The following RECQL4 variants were observed in gnomAD, a reference collection of about 807,000 sequenced individuals.
RECQL4 encodes the protein RecQ like helicase 4.
In RECQL4, 158 loss-of-function variants were observed where a neutral mutation model predicts 128.6. The observed-to-expected ratio is 1.23, with a 90% CI of 1.08 to 1.40. The LOEUF (loss-of-function observed/expected upper bound fraction) is 1.40, where lower values mean the gene tolerates loss of function less well. Ranked by LOEUF, RECQL4 falls within the 40% of genes most tolerant of loss-of-function variation. The probability of loss-of-function intolerance (pLI) is 0.00; values close to 1 mark genes in which losing one functional copy is unlikely to be tolerated. For synonymous variants in RECQL4, 996 were observed against 678.9 expected (o/e 1.47, Z -7.26); for missense variants, 2,293 against 1,649.8 (o/e 1.39, Z -6.75).
intron 20 of RECQL4, 36 bp downstream of exon 20, chr8:144,511,645 C>T: frequency 3.1e-6 from 5 of 1,609,014 alleles, no homozygotes; most frequent in Non-Finnish European, 3.4e-6. Flanking sequence ...AGCCCCCAGC[C>T]CCAGCCTGCA....
rs1174607613 is a variant in RECQL4, at chr8:144,516,371, C to T, written c.748G>A (p.Gly250Arg). ...SAFQEVSIRVGSPQPSSSGGE... is the reference protein window; with the variant it reads ...SAFQEVSIRVRSPQPSSSGGE... ...CCACTGCTGCTGGGCTGGGGGCTCCCCACACGGATGCTGACTTCTTGGAAG... is the reference window on the plus strand; with the variant it reads ...CCACTGCTGCTGGGCTGGGGGCTCCTCACACGGATGCTGACTTCTTGGAAG... The change falls in exon 5 of 21, where the codon GGG becomes AGG. Residue 250 changes from glycine to arginine, a missense_variant. By Grantham distance (125) the Gly-to-Arg change is moderately radical. Coordinates refer to ENST00000617875, the MANE Select transcript of RECQL4 (RefSeq NM_004260.4). The T allele has an allele frequency of 6.2e-7, 1 of 1,610,156 alleles. No individual in the cohort carries two copies. Among genetic ancestry groups the T allele is most frequent in the Non-Finnish European group, 8.5e-7 (1 of 1,179,736 alleles).
chr8:144,512,283 G>C lies in RECQL4; in HGVS notation c.3097C>G (p.Leu1033Val). Residue 1033 changes from leucine (L) to valine (V), a missense_variant, in exon 18 of 21, where the codon CTG (leucine) becomes GTG (valine). By Grantham distance (32) the Leu-to-Val change is conservative. Coordinates refer to ENST00000617875, the MANE Select transcript of RECQL4 (RefSeq NM_004260.4). ...GTGVLVEFSE[L>V]AFHLRSPGDL... The stretch of plus-strand genomic sequence containing the variant: ...CCCGGGCTGCGAAGGTGGAAGGCCA[G>C]CTCACTGAACTCCACAAGCACCCCT... 6.2e-7 allele frequency: 1 copy of C among 1,612,496 alleles called. No individual in the cohort carries two copies. Among genetic ancestry groups the C allele is most frequent in the Non-Finnish European group, 8.5e-7 (1 of 1,179,792 alleles).
intron 13 of RECQL4, 26 bp downstream of exon 13, chr8:144,513,545 G>C (rs780470562): frequency 3.1e-6 from 5 of 1,610,816 alleles, no homozygotes; most frequent in Non-Finnish European, 4.2e-6. Context: ...GGGTCCACGG[G>C]GACACCAGCT....
intron 9 of RECQL4, 55 bp from the exon 10 acceptor site, chr8:144,514,580 C>T: frequency 1.3e-6 from 2 of 1,537,962 alleles, no homozygotes; most frequent in Admixed American, 1.8e-5. Flanking sequence ...GGCCCTTCCC[C>T]AAGTCATCCC....
Position 144,511,672 on chromosome 8 carries a change from AGGCCTCACC to A in RECQL4, c.3502_3502+8del, listed in dbSNP as rs2130650891. 1 of 1,612,120 alleles carries A rather than the reference AGGCCTCACC, an allele frequency of 6.2e-7. No homozygotes were observed. ...CAGCCTGCAGCGGGTGGGGCCTCCC[AGGCCTCACC>A]GATGCCGTGGAAGATGCGGGCCACA... On this transcript the variant is annotated splice_donor_variant and splice_donor_5th_base_variant and coding_sequence_variant and intron_variant, in exon 20 of 21. Coordinates refer to ENST00000617875, the MANE Select transcript of RECQL4 (RefSeq NM_004260.4). LOFTEE classifies it high-confidence loss of function.
rs2130706482 is a variant in RECQL4, at chr8:144,515,231, C to T, written c.1402G>A (p.Glu468Lys). ...PSGQLAETPA[E>K]VFQALEQLGH... The stretch of plus-strand genomic sequence containing the variant: ...AGCTGCTCCAGGGCCTGGAACACCT[C>T]AGCCGGCGTCTCTGCAGACACAGAT... The change falls in exon 8 of 21, where the codon GAG becomes AAG. Residue 468 changes from glutamate to lysine, a missense_variant. Physicochemically the swap from Glu to Lys is moderately conservative, Grantham distance 56. Transcript: ENST00000617875. 2 of 1,584,666 alleles carry T rather than the reference C, an allele frequency of 1.3e-6. No homozygotes were observed. The highest frequency in any genetic ancestry group is 1.7e-6 in the Non-Finnish European group (2 of 1,166,312).
chr8:144,512,636 G>A lies in RECQL4; in HGVS notation c.2885+6C>T, dbSNP rs1827466838. On this transcript the variant is annotated splice_donor_region_variant and intron_variant, in intron 16 of 20. Coordinates refer to ENST00000617875, the MANE Select transcript of RECQL4 (RefSeq NM_004260.4). The stretch of plus-strand genomic sequence containing the variant: ...CCTCGTCTCCAACTGGGCAGGGCGT[G>A]CTTACCTGTGGGCCAGGGCCTGGAG... 2 of 1,612,094 alleles carry A rather than the reference G, an allele frequency of 1.2e-6. No homozygotes were observed. The highest frequency in any genetic ancestry group is 8.5e-7 in the Non-Finnish European group (1 of 1,179,532).
chr8:144,516,020 G>C lies in RECQL4; in HGVS notation c.1099C>G (p.Arg367Gly), dbSNP rs531175632. The C allele has an allele frequency of 8.7e-6, 14 of 1,610,382 alleles. No homozygotes were observed. Among genetic ancestry groups the C allele is most frequent in the Non-Finnish European group, 1.2e-5 (14 of 1,178,008 alleles). Residue 367 changes from arginine (R) to glycine (G), a missense_variant, in exon 5 of 21, where the codon CGG (arginine) becomes GGG (glycine). Physicochemically the swap from Arg to Gly is moderately radical, Grantham distance 125. Transcript: ENST00000617875. ...CGGAGGAGCCTGCTACGGAGTGCCC[G>C]GCCCCGCACGTAGTGTTTCTGCTTC... ...NMKQKHYVRG[R>G]ALRSRLLRKQ...
In RECQL4 at chr8:144,517,604, C is replaced by A. The variant is rs1815399637; in HGVS notation, c.116G>T (p.Arg39Leu). The A allele has an allele frequency of 6.7e-7, 1 of 1,486,096 alleles. No individual in the cohort carries two copies. The highest frequency in any genetic ancestry group is 1.3e-5 in the South Asian group (1 of 78,594). 92.1% of individuals were successfully genotyped at this position (1,486,096 alleles called of 1,614,324 possible). Residue 39 changes from arginine (R) to leucine (L), a missense_variant and splice_region_variant, in exon 2 of 21, where the codon CGC (arginine) becomes CTC (leucine). Transcript: ENST00000617875. Reference protein sequence around the residue: ...DDVEAAPEETRALYREYRTLK... With the variant: ...DDVEAAPEETLALYREYRTLK... ...CCGCCGCCCCGCCGCGCGCTCACCGCGGGTCTCCTCCGGCGCCGCCTCCAC... is the reference window on the plus strand; with the variant it reads ...CCGCCGCCCCGCCGCGCGCTCACCGAGGGTCTCCTCCGGCGCCGCCTCCAC...
At position 144,515,080 on chromosome 8, in the gene RECQL4, G is replaced by T. The variant is rs1235697567; in HGVS notation, c.1484-8C>A. ...CCAGCAGCGTGGAGATGCCTGGATG[G>T]GGCGGGAGTCAGCAGCAGGGTTCTG... is the stretch of plus-strand genomic sequence containing the variant. On this transcript the variant is annotated splice_polypyrimidine_tract_variant and splice_region_variant and intron_variant, in intron 8 of 20. Transcript: ENST00000617875. 6.2e-7 allele frequency: 1 copy of T among 1,602,258 alleles called. No homozygotes were observed. The highest frequency in any genetic ancestry group is 8.5e-7 in the Non-Finnish European group (1 of 1,175,388).
In RECQL4 at chr8:144,513,659, G is replaced by T. The variant is rs368140492; in HGVS notation, c.2112C>A (p.Ile704=). Residue 704 remains isoleucine, a synonymous_variant, in exon 13 of 21, where the codon ATC becomes ATA. Coordinates refer to ENST00000617875, the MANE Select transcript of RECQL4 (RefSeq NM_004260.4). ...GKRFQNLDSI[I]IYCNRREDTE... The stretch of plus-strand genomic sequence containing the variant: ...TGTCCTCGCGCCGGTTGCAGTAAAT[G>T]ATAATGGAATCGAGGTTTTGAAAAC... 6.4e-7 allele frequency: 1 copy of T among 1,567,998 alleles called. No homozygotes were observed. The highest frequency in any genetic ancestry group is 8.6e-7 in the Non-Finnish European group (1 of 1,156,994).
At position 144,517,345 on chromosome 8, in the gene RECQL4, ACTCCGTGG is replaced by A. The variant is rs1385210167; in HGVS notation, c.213+61_213+68del. 4 of 1,480,932 alleles carry A rather than the reference ACTCCGTGG, an allele frequency of 2.7e-6. No individual in the cohort carries two copies. In the South Asian group the frequency reaches 5.1e-5, roughly 19 times the overall value. The allele number at this position is 1,480,932 out of a possible 1,614,324, so 91.7% of individuals were successfully genotyped here. ...TGTGCCCCACGGCGGCCTGGCCGCG[ACTCCGTGG>A]CTCCCGCCACTCCGCCAAACAGGGA... On this transcript the variant is annotated intron_variant, in intron 3 of 20. Coordinates refer to ENST00000617875, the MANE Select transcript of RECQL4 (RefSeq NM_004260.4).
At position 144,512,862 on chromosome 8, in the gene RECQL4, C is replaced by T. The variant is rs371327041; in HGVS notation, c.2740G>A (p.Asp914Asn). The change falls in exon 15 of 21, where the codon GAC becomes AAC. Residue 914 changes from aspartate (D) to asparagine (N), a missense_variant. Physicochemically the swap from Asp to Asn is conservative, Grantham distance 23 (BLOSUM62 1). Coordinates refer to ENST00000617875, the MANE Select transcript of RECQL4 (RefSeq NM_004260.4). Reference sequence around the variant, plus strand: ...GGTTCCTCACCCTCCTCCGGCATGTCCAAAGCCTGTACGGTAAGCTGTATT... The same window carrying T: ...GGTTCCTCACCCTCCTCCGGCATGTTCAAAGCCTGTACGGTAAGCTGTATT... ...LPIQLTVQAL[D>N]MPEEAIETLL... 17 of 1,602,872 alleles carry T rather than the reference C, an allele frequency of 1.1e-5. No individual in the cohort carries two copies. The highest frequency in any genetic ancestry group is 5.1e-6 in the Non-Finnish European group (6 of 1,175,030).
At position 144,516,318 on chromosome 8, in the gene RECQL4, C is replaced by A. The variant is rs4244612; in HGVS notation, c.801G>T (p.Glu267Asp). The change falls in exon 5 of 21, where the codon GAG (glutamate) becomes GAT (aspartate). Residue 267 changes from glutamate to aspartate, a missense_variant. Glu to Asp is a conservative substitution (Grantham distance 45). Transcript: ENST00000617875. ...SGGEKRRWNE[E>D]PWESPAQVQQ... ...GGACCTGTGCGGGGCTCTCCCAGGG[C>A]TCCTCGTTCCATCTCCGCTTCTCGC... 2 of 1,608,476 alleles carry A rather than the reference C, an allele frequency of 1.2e-6. No individual in the cohort carries two copies. The highest frequency in any genetic ancestry group is 1.7e-6 in the Non-Finnish European group (2 of 1,178,404).
intron 9 of RECQL4, among the ~76,000 whole-genome samples, 156 bp downstream of exon 9, chr8:144,514,780 C>T (rs764910617): frequency 7.9e-5 from 12 of 152,222 alleles, no homozygotes; most frequent in Non-Finnish European, 1.2e-4. Flanking sequence ...TGGAGCTGGG[C>T]TGCCTTTGAC....
At position 144,516,673 on chromosome 8, in the gene RECQL4, G is replaced by C. The variant is rs773579080; in HGVS notation, c.446C>G (p.Pro149Arg). ...ATCACTGACTTTTTCTGCAAAGGAG[G>C]GGACAGGCCCTGTACCTGGGGGCTT... Reference protein sequence around the residue: ...TPKPPGTGPVPSFAEKVSDEP... With the variant: ...TPKPPGTGPVRSFAEKVSDEP... The change falls in exon 5 of 21, where the codon CCC becomes CGC. Residue 149 changes from proline (P) to arginine (R), a missense_variant. Physicochemically the swap from Pro to Arg is moderately radical, Grantham distance 103. Transcript: ENST00000617875. 6 of 1,595,116 alleles carry C rather than the reference G, an allele frequency of 3.8e-6. No homozygotes were observed. Among genetic ancestry groups the C allele is most frequent in the Non-Finnish European group, 5.1e-6 (6 of 1,170,620 alleles).
At chr8:144,516,845 CG>C (rs1197546724) in intron 4 of RECQL4, 81 bp from the exon 5 acceptor site, 1 of 1,417,978 alleles carries the variant, frequency 7.1e-7, no homozygotes, top group African/African-American at 1.4e-5. Flanking sequence ...TGAGTCCCCA[CG>C]CTCAATTGTA....
intron 4 of RECQL4, 85 bp from the exon 5 acceptor site, chr8:144,516,849 C>G: frequency 7.1e-7 from 1 of 1,413,658 alleles, no homozygotes; most frequent in South Asian, 1.4e-5. Flanking sequence ...TCCCCACGCT[C>G]AATTGTAGAG....
Position 144,516,635 on chromosome 8 carries a change from G to A in RECQL4, c.484C>T (p.Leu162Phe), listed in dbSNP as rs2130727988. 12 of 1,608,780 alleles carry A rather than the reference G, an allele frequency of 7.5e-6. No individual in the cohort carries two copies. Among genetic ancestry groups the A allele is most frequent in the Non-Finnish European group, 1.0e-5 (12 of 1,177,814 alleles). ...AEKVSDEPPQ[L>F]PEPQPRPGRL... The stretch of plus-strand genomic sequence containing the variant: ...CCTGGCCTTGGCTGGGGCTCAGGGA[G>A]CTGTGGAGGCTCATCACTGACTTTT... The change falls in exon 5 of 21, where the codon CTC becomes TTC. Residue 162 changes from leucine to phenylalanine, a missense_variant. Leu to Phe is a conservative substitution (Grantham distance 22). Coordinates refer to ENST00000617875, the MANE Select transcript of RECQL4 (RefSeq NM_004260.4).
Sources: allele counts gnomAD v4.1 joint callset (sites outside exome capture counted in the v4.1 genomes callset), GRCh38; gene constraint gnomAD v4.1.1; transcripts MANE v1.5; gene names NCBI Gene and HGNC (gene_info 2026-07-23, HGNC 2026-07-21).